The following SLC25A24 variants were observed in gnomAD, a reference collection of about 807,000 sequenced individuals.
The protein encoded by SLC25A24 is solute carrier family 25 member 24.
A neutral mutation model predicts 60.7 loss-of-function variants in SLC25A24; 49 were observed. The ratio of observed to expected loss-of-function variants is 0.81; its 90% CI spans 0.64 to 1.02. SLC25A24 has a LOEUF of 1.02. Among genes scored for constraint, SLC25A24 ranks in the 50% least tolerant of loss-of-function variants. SLC25A24 has a pLI of 0.00. For synonymous variants in SLC25A24, 202 were observed against 200.6 expected (o/e 1.01, Z -0.06); for missense variants, 564 against 586.3 (o/e 0.96, Z 0.39).
At chr1:108,198,569 T>G (rs926933567) in intron 1 of SLC25A24, 4 of 152,248 alleles carry the variant, frequency 2.6e-5, no homozygotes, top group African/African-American at 9.7e-5. Context: ...TAACATATAC[T>G]ATGACACAAA....
Position 108,136,647 on chromosome 1 carries a change from GCAA to G in SLC25A24, c.*3_*5del. 1.2e-6 allele frequency: 2 copies of G among 1,608,292 alleles called. No individual in the cohort carries two copies. The highest frequency in any genetic ancestry group is 1.7e-6 in the Non-Finnish European group (2 of 1,176,128). Reference sequence around the variant, plus strand: ...CAATTATCAGGCTAAAGCAAAAAATGCAACATCATTTCTGGGTTACTCCTAAAG... The same window carrying G: ...CAATTATCAGGCTAAAGCAAAAAATGCATCATTTCTGGGTTACTCCTAAAG... On this transcript the variant is annotated 3_prime_UTR_variant, in exon 10 of 10. Transcript: ENST00000565488.
chr1:108,187,094 TA>T (rs1211858329), intron 1 of SLC25A24, among the ~76,000 whole-genome samples: 2 of 131,278 alleles, frequency 1.5e-5, no homozygotes, highest in African/African-American at 5.8e-5. Flanking sequence ...AAAAAAAAAT[TA>T]AAAAAATAAT....
intron 2 of SLC25A24, among the ~76,000 whole-genome samples, chr1:108,184,982 G>A (rs1026806414): frequency 5.3e-5 from 8 of 152,046 alleles, no homozygotes; most frequent in African/African-American, 1.9e-4. Context: ...TAGTGATGAG[G>A]GCTTCAAGAC....
Position 108,145,624 on chromosome 1 carries a change from T to C in SLC25A24, c.931-1914A>G, listed in dbSNP as rs996675497. Among the ~76,000 whole-genome samples the C allele has an allele frequency of 2.0e-5, 3 of 152,214 alleles. 1 individual carries two copies. The highest frequency in any genetic ancestry group is 2.0e-4 in the Admixed American group (3 of 15,278). Reference sequence around the variant, plus strand: ...AGGAAGGGGTCCAGTTTCAGTTTTCTGCATATGGCTAGCCAGTTTTCCCAA... The same window carrying C: ...AGGAAGGGGTCCAGTTTCAGTTTTCCGCATATGGCTAGCCAGTTTTCCCAA... On this transcript the variant is annotated intron_variant, in intron 7 of 9. Transcript: ENST00000565488.
chr1:108,148,514 A>G, intron 6 of SLC25A24, 128 bp from the exon 7 acceptor site: 1 of 640,756 alleles, frequency 1.6e-6, no homozygotes, highest in Non-Finnish European at 2.8e-6. Context: ...TCTGGAGGTA[A>G]TTAGGGTTAT....
At chr1:108,160,040 G>A (rs1392143030) in intron 4 of SLC25A24, among the ~76,000 whole-genome samples, 4 of 152,014 alleles carry the variant, frequency 2.6e-5, no homozygotes, top group African/African-American at 4.8e-5. Flanking sequence ...CTGTAGGGGC[G>A]GCCGGGCAGA....
At chr1:108,188,859 A>G (rs514775) in intron 1 of SLC25A24, among the ~76,000 whole-genome samples, 31,922 of 152,144 alleles carry the variant, frequency 0.21, 3,487 homozygotes, top group Admixed American at 0.24. Flanking sequence ...TACCTCACAG[A>G]TCATGTGTGA....
chr1:108,139,084 A>G lies in SLC25A24; in HGVS notation c.1223T>C (p.Leu408Ser). 6.2e-7 allele frequency: 1 copy of G among 1,604,530 alleles called. No individual in the cohort carries two copies. The highest frequency in any genetic ancestry group is 1.1e-5 in the South Asian group (1 of 88,726). ...CGQLASYPLA[L>S]VRTRMQAQAM... is the part of the protein sequence containing the mutation. ...TTGAGCCTGCATGCGAGTTCTCACC[A>G]AAGCCAATGGGTAGCTGGCCAGCTG... The change falls in exon 9 of 10, where the codon TTG becomes TCG. Residue 408 changes from leucine (L) to serine (S), a missense_variant. Coordinates refer to ENST00000565488, the MANE Select transcript of SLC25A24 (RefSeq NM_013386.5).
Position 108,139,142 on chromosome 1 carries a change from G to A in SLC25A24, c.1165C>T (p.Leu389=), listed in dbSNP as rs751984334. Residue 389 remains leucine (L), a synonymous_variant, in exon 9 of 10, where the codon CTG becomes TTG. Coordinates refer to ENST00000565488, the MANE Select transcript of SLC25A24 (RefSeq NM_013386.5). ...DSVNPGVMVL[L]GCGALSSTCG... is the part of the protein sequence containing the mutation. ...GTGCTGGATAAGGCACCGCATCCCA[G>A]CAACACCATGACTCCAGGGTTTACA... 3 of 1,611,350 alleles carry A rather than the reference G, an allele frequency of 1.9e-6. No individual in the cohort carries two copies. Among genetic ancestry groups the A allele is most frequent in the African/African-American group, 1.3e-5 (1 of 74,842 alleles).
At chr1:108,154,726 C>A (rs6703282) in intron 6 of SLC25A24, among the ~76,000 whole-genome samples, 76,854 of 151,810 alleles carry the variant, frequency 0.51, 20,008 homozygotes, top group African/African-American at 0.63. Flanking sequence ...AACTAAAATT[C>A]TACCCTTCCT....
In SLC25A24 at chr1:108,143,741, T is replaced by G. The variant is rs773438778; in HGVS notation, c.931-31A>C. The G allele has an allele frequency of 7.1e-6, 11 of 1,547,266 alleles. No homozygotes were observed. In the South Asian group the frequency reaches 1.1e-4, roughly 16 times the overall value. The stretch of plus-strand genomic sequence containing the variant: ...TATAAAAAAAAACAAAATATGATTG[T>G]TCATATTAACTCTATCATCATGGGA... On this transcript the variant is annotated intron_variant, in intron 7 of 9. Transcript: ENST00000565488.
chr1:108,166,698 C>A (rs1680265000), intron 3 of SLC25A24, among the ~76,000 whole-genome samples: 1 of 152,044 alleles, frequency 6.6e-6, no homozygotes, highest in South Asian at 2.1e-4. Flanking sequence ...CATTCTTCTA[C>A]ATTTTTTTCA....
chr1:108,171,618 T>C (rs1647465151), intron 3 of SLC25A24, among the ~76,000 whole-genome samples: 1 of 152,220 alleles, frequency 6.6e-6, no homozygotes, highest in Non-Finnish European at 1.5e-5. Flanking sequence ...TCTTCAATAT[T>C]TTCTGAGAGT....
intron 3 of SLC25A24, among the ~76,000 whole-genome samples, chr1:108,174,075 G>C (rs1366449131): frequency 6.6e-6 from 1 of 152,230 alleles, no homozygotes; most frequent in African/African-American, 2.4e-5. Context: ...AAAAATTCAA[G>C]CCAGCTGCAG....
chr1:108,161,430 T>C (rs972973783), intron 3 of SLC25A24, 137 bp from the exon 4 acceptor site: 12 of 605,930 alleles, frequency 2.0e-5, no homozygotes, highest in Admixed American at 1.0e-4. Flanking sequence ...TCCACAAATA[T>C]AGGTTGTTGG....
At chr1:108,160,685 C>T (rs988512918) in intron 4 of SLC25A24, among the ~76,000 whole-genome samples, 3 of 152,224 alleles carry the variant, frequency 2.0e-5, no homozygotes, top group Non-Finnish European at 2.9e-5. Flanking sequence ...AACGAGACTC[C>T]GTCTGCAATC....
intron 3 of SLC25A24, among the ~76,000 whole-genome samples, chr1:108,175,015 T>C (rs1647618935): frequency 6.6e-6 from 1 of 152,202 alleles, no homozygotes; most frequent in South Asian, 2.1e-4. Flanking sequence ...GATGAAACCT[T>C]GGACTTTTAG....
At chr1:108,148,196 T>C (rs754825000) in intron 7 of SLC25A24, 83 bp downstream of exon 7, 17 of 867,464 alleles carry the variant, frequency 2.0e-5, no homozygotes, top group South Asian at 6.8e-5. Context: ...TTTTAAACTG[T>C]TAATTTTGGG....
At chr1:108,191,789 G>A (rs1648351736) in intron 1 of SLC25A24, among the ~76,000 whole-genome samples, 1 of 139,158 alleles carries the variant, frequency 7.2e-6, no homozygotes, top group African/African-American at 2.5e-5. Context: ...CAGTCTACCG[G>A]GTCAAACATC....
Sources: gnomAD v4.1 joint callset for allele counts (sites outside exome capture counted in the v4.1 genomes callset) on GRCh38, gnomAD v4.1.1 for gene constraint, MANE v1.5 for transcripts, NCBI Gene and HGNC (gene_info 2026-07-23, HGNC 2026-07-21) for gene names.